CLN6: variants seen among roughly 807,000 people sequenced by gnomAD.
CLN6 encodes the protein ceroid-lipofuscinosis neuronal protein 6.
CLN6 carries 22 observed loss-of-function variants against 33.3 expected under a neutral mutation model. The observed-to-expected ratio is 0.66, with a 90% CI of 0.47 to 0.94. The LOEUF (loss-of-function observed/expected upper bound fraction) is 0.94, where lower values mean the gene tolerates loss of function less well. CLN6 is among the 40% of genes least tolerant of loss of function. The probability of loss-of-function intolerance (pLI) is 0.00; values close to 1 mark genes in which losing one functional copy is unlikely to be tolerated. For synonymous variants in CLN6, 201 were observed against 174.6 expected (o/e 1.15, Z -1.19); for missense variants, 387 against 417.1 (o/e 0.93, Z 0.63).
Position 68,210,695 on chromosome 15 carries a change from T to C in CLN6, c.542+568A>G, listed in dbSNP as rs2093202400. On this transcript the variant is annotated intron_variant, in intron 5 of 6. Transcript: ENST00000249806. This position sits in a 1 kb window ranked among gnomAD's most constrained non-coding sequence, Gnocchi z 5.6. ...GATCTCCTGAGGCTGAGACCACATT[T>C]CTGAGGTCTCCCCCGACTGAGGGAC... 6.6e-6 allele frequency among the ~76,000 whole-genome samples: 1 copy of C among 152,104 alleles called. No individual in the cohort carries two copies. The highest frequency in any genetic ancestry group is 2.4e-5 in the African/African-American group (1 of 41,430).
At chr15:68,212,101 A>C in intron 3 of CLN6, 1 of 564,298 alleles carries the variant, frequency 1.8e-6, no homozygotes, top group Non-Finnish European at 3.2e-6. Flanking sequence ...GAGCAAAAAG[A>C]CCAGAGGGCC....
At chr15:68,243,921 C>T (rs1258026531) in intron 1 of CLN6, among the ~76,000 whole-genome samples, 2 of 151,502 alleles carry the variant, frequency 1.3e-5, no homozygotes, top group African/African-American at 4.9e-5. Flanking sequence ...AAAAATTAGC[C>T]GGGCCTGGTG....
chr15:68,244,649 A>G (rs1892312204), intron 1 of CLN6, among the ~76,000 whole-genome samples: 1 of 152,174 alleles, frequency 6.6e-6, no homozygotes, highest in South Asian at 2.1e-4. Flanking sequence ...TTAAGAACAA[A>G]GACAACCCCA....
At chr15:68,217,555 G>A (rs1402323648) in intron 2 of CLN6, among the ~76,000 whole-genome samples, 2 of 152,212 alleles carry the variant, frequency 1.3e-5, no homozygotes, top group African/African-American at 2.4e-5. Context: ...TAATTTGCAT[G>A]ATCACTAGTA....
intron 3 of CLN6, chr15:68,214,046 G>T: frequency 2.2e-6 from 1 of 460,760 alleles, no homozygotes; most frequent in Non-Finnish European, 4.0e-6. Flanking sequence ...TCCCCCACTG[G>T]CACGCCAGGC....
At chr15:68,226,418 G>C (rs988573507) in intron 1 of CLN6, among the ~76,000 whole-genome samples, 3 of 151,878 alleles carry the variant, frequency 2.0e-5, no homozygotes, top group African/African-American at 4.8e-5. Flanking sequence ...TTAACTTCTT[G>C]GGCCTTAATG....
rs903344076 is a variant in CLN6 at position 68,236,365 on chromosome 15, T to C, written c.180-17715A>G. On this transcript the variant is annotated intron_variant, in intron 1 of 6. Coordinates refer to the CLN6 transcript ENST00000538696. This position sits in a 1 kb window ranked among gnomAD's most constrained non-coding sequence, Gnocchi z 4.5. ...CAAGTGAGAACAACTCCAAAATCCA[T>C]CAACTTGTAAATAAATAAATTATGG... Among the ~76,000 whole-genome samples, 14 of 152,186 alleles carry C rather than the reference T, an allele frequency of 9.2e-5. No individual in the cohort carries two copies. Among genetic ancestry groups the C allele is most frequent in the African/African-American group, 3.1e-4 (13 of 41,448 alleles).
rs1419171803 is a variant in CLN6, at chr15:68,211,618, T to TC, written c.486+56dup. On this transcript the variant is annotated intron_variant, in intron 4 of 6. Transcript: ENST00000249806. The surrounding 1 kb of genome is among the most constrained non-coding windows in gnomAD (Gnocchi z 5.9). ...AGGGGTGGGGGCCATTTCTTCAGCC[T>TC]CCCAGGACAGACTGTGCTCCTAGGG... is the stretch of plus-strand genomic sequence containing the variant. 6.2e-7 allele frequency: 1 copy of TC among 1,608,528 alleles called. No homozygotes were observed. The highest frequency in any genetic ancestry group is 8.5e-7 in the Non-Finnish European group (1 of 1,179,922).
At chr15:68,225,916 G>A (rs1204200149) in intron 1 of CLN6, among the ~76,000 whole-genome samples, 1 of 152,090 alleles carries the variant, frequency 6.6e-6, no homozygotes, top group African/African-American at 2.4e-5. Flanking sequence ...GTTGCAGTGA[G>A]CCAAGATGGC....
rs1892331650 is a variant in CLN6 at position 68,246,574 on chromosome 15, CAG to C, written c.179+10114_179+10115del. Among the ~76,000 whole-genome samples the C allele has an allele frequency of 6.6e-6, 1 of 151,924 alleles. No homozygotes were observed. ...TATGAGATATGGTAAAAGCAGTACT[CAG>C]AGGGAATTTTATAGCAATAAATGCC... On this transcript the variant is annotated intron_variant, in intron 1 of 6. Coordinates refer to the CLN6 transcript ENST00000538696. The surrounding 1 kb of genome is among the most constrained non-coding windows in gnomAD (Gnocchi z 4.5).
intron 1 of CLN6, chr15:68,254,480 A>G (rs1180355693): frequency 9.3e-6 from 3 of 322,598 alleles, no homozygotes; most frequent in African/African-American, 4.3e-5. Flanking sequence ...TTAGTATGAA[A>G]AAAGGTCAAA....
chr15:68,228,063 G>A lies in CLN6; in HGVS notation c.83+1439C>T, dbSNP rs1385326074. On this transcript the variant is annotated intron_variant, in intron 1 of 6. Transcript: ENST00000249806. This position sits in a 1 kb window ranked among gnomAD's most constrained non-coding sequence, Gnocchi z 4.4. ...GGGACTCAGCCAGTCAGGCTCCTCA[G>A]CCCATCTAAGCCTATTTCCTCATCA... Among the ~76,000 whole-genome samples, 1 of 152,170 alleles carries A rather than the reference G, an allele frequency of 6.6e-6. No individual in the cohort carries two copies. The highest frequency in any genetic ancestry group is 1.5e-5 in the Non-Finnish European group (1 of 68,028).
chr15:68,242,877 G>A lies in CLN6; in HGVS notation c.179+13813C>T, dbSNP rs1184931064. 6.6e-6 allele frequency among the ~76,000 whole-genome samples: 1 copy of A among 152,218 alleles called. No homozygotes were observed. The highest frequency in any genetic ancestry group is 1.5e-5 in the Non-Finnish European group (1 of 68,046). Reference sequence around the variant, plus strand: ...TGCCCACCAGCTATGCTAAGAGTCAGACCTTATCTTCATTTCTGTCTAATG... The same window carrying A: ...TGCCCACCAGCTATGCTAAGAGTCAAACCTTATCTTCATTTCTGTCTAATG... On this transcript the variant is annotated intron_variant, in intron 1 of 6. Coordinates refer to the CLN6 transcript ENST00000538696. This position sits in a 1 kb window ranked among gnomAD's most constrained non-coding sequence, Gnocchi z 5.0.
intron 2 of CLN6, chr15:68,217,939 C>T (rs2093225096): frequency 6.5e-6 from 1 of 153,776 alleles, no homozygotes; most frequent in African/African-American, 2.4e-5. Context: ...CATCCTCCCA[C>T]TACAAGCAAG....
upstream of CLN6, among the ~76,000 whole-genome samples, chr15:68,232,416 C>T (rs536681418): frequency 6.6e-6 from 1 of 152,162 alleles, no homozygotes. The surrounding 1 kb of genome is among the most constrained non-coding windows in gnomAD (Gnocchi z 4.7). Flanking sequence ...CTTAGTCTCT[C>T]AAAGTGCTGG....
chr15:68,235,495 A>G (rs142595218), intron 1 of CLN6, among the ~76,000 whole-genome samples: 75 of 151,730 alleles, frequency 4.9e-4, no homozygotes, highest in African/African-American at 1.8e-3. Context: ...ACTTGAACCC[A>G]GGAGGCAAAG....
At position 68,211,736 on chromosome 15, in the gene CLN6, T is replaced by C. The variant is rs1227254537; in HGVS notation, c.425A>G (p.Tyr142Cys). The C allele has an allele frequency of 3.7e-6, 6 of 1,613,972 alleles. No homozygotes were observed. The highest frequency in any genetic ancestry group is 2.2e-5 in the East Asian group (1 of 44,864). ...SVNHRLLFSG[Y>C]QHHLSVRENP... ...CTCACGGACAGACAGGTGGTGCTGG[T>C]AGCCACTGAAGAGCAGGCGGTGGTT... The change falls in exon 4 of 7, where the codon TAC becomes TGC. Residue 142 changes from tyrosine to cysteine, a missense_variant. Tyr to Cys is a radical substitution (Grantham distance 194). Transcript: ENST00000249806. The surrounding 1 kb of genome is among the most constrained non-coding windows in gnomAD (Gnocchi z 5.9).
intron 1 of CLN6, among the ~76,000 whole-genome samples, chr15:68,237,391 G>A (rs1892231518): frequency 6.6e-6 from 1 of 152,102 alleles, no homozygotes; most frequent in African/African-American, 2.4e-5. Flanking sequence ...GGAAGCTGAA[G>A]CTGGAGGGAT....
chr15:68,207,905 T>A lies in CLN6; in HGVS notation c.*235A>T. 1.7e-6 allele frequency: 1 copy of A among 586,070 alleles called. No individual in the cohort carries two copies. The highest frequency in any genetic ancestry group is 3.0e-6 in the Non-Finnish European group (1 of 329,690). 36.3% of individuals were successfully genotyped at this position (586,070 alleles called of 1,614,324 possible). ...TCTAAAACAGAATCCGATCCTGAGATGATCCAAATCAAACAGAAACTTGAC... is the reference window on the plus strand; with the variant it reads ...TCTAAAACAGAATCCGATCCTGAGAAGATCCAAATCAAACAGAAACTTGAC... On this transcript the variant is annotated 3_prime_UTR_variant, in exon 7 of 7. Coordinates refer to ENST00000249806, the MANE Select transcript of CLN6 (RefSeq NM_017882.3).
Sources: allele counts gnomAD v4.1 joint callset (sites outside exome capture counted in the v4.1 genomes callset), GRCh38; gene constraint gnomAD v4.1.1; non-coding constraint Gnocchi (gnomAD v3.1); transcripts MANE v1.5; gene names NCBI Gene and HGNC (gene_info 2026-07-23, HGNC 2026-07-21).